Variants in CNTNAP5 observed in about 807,000 individuals in gnomAD.
The protein encoded by CNTNAP5 is contactin-associated protein-like 5.
Under a neutral mutation model 150.2 loss-of-function variants are expected in CNTNAP5, and 72 were observed. The observed-to-expected ratio is 0.48, with a 90% CI of 0.40 to 0.58. The LOEUF is 0.58. Ranked by LOEUF, CNTNAP5 falls within the 20% of genes least tolerant of loss-of-function variation. The pLI, the probability that CNTNAP5 is intolerant of heterozygous loss-of-function variation, is 0.00. For synonymous variants in CNTNAP5, 672 were observed against 619.8 expected (o/e 1.08, Z -1.25); for missense variants, 1,636 against 1,626.2 (o/e 1.01, Z -0.10).
At chr2:124,587,361 A>G (rs531491614) in intron 11 of CNTNAP5, among the ~76,000 whole-genome samples, 1 of 152,324 alleles carries the variant, frequency 6.6e-6, no homozygotes, top group African/African-American at 2.4e-5. Context: ...ATCTTACCAT[A>G]GTATTGAATC....
At chr2:124,665,989 G>A (rs1007890282) in intron 13 of CNTNAP5, among the ~76,000 whole-genome samples, 9 of 152,014 alleles carry the variant, frequency 5.9e-5, no homozygotes, top group Non-Finnish European at 1.3e-4. Flanking sequence ...GTGTTTTTGT[G>A]TACATGTATT....
chr2:124,174,933 C>T (rs1446849916), intron 1 of CNTNAP5, among the ~76,000 whole-genome samples: 1 of 152,182 alleles, frequency 6.6e-6, no homozygotes, highest in African/African-American at 2.4e-5. Flanking sequence ...AACACTGAGG[C>T]AAGACCCTCC....
chr2:124,278,025 G>A (rs1396677784), intron 3 of CNTNAP5, among the ~76,000 whole-genome samples: 1 of 152,106 alleles, frequency 6.6e-6, no homozygotes, highest in Non-Finnish European at 1.5e-5. Context: ...CCTCCAGTGG[G>A]TATCTGCAAC....
At chr2:124,390,164 A>G (rs1691073550) in intron 3 of CNTNAP5, among the ~76,000 whole-genome samples, 1 of 152,062 alleles carries the variant, frequency 6.6e-6, no homozygotes, top group Non-Finnish European at 1.5e-5. Context: ...AAAGGGCTAG[A>G]CCCTCTCCCT....
intron 1 of CNTNAP5, among the ~76,000 whole-genome samples, chr2:124,086,767 A>G (rs1682702761): frequency 6.6e-6 from 1 of 151,452 alleles, no homozygotes; most frequent in South Asian, 2.1e-4. Context: ...CTATCTGATA[A>G]TCCCTGTCTT....
rs892987989 is a variant in CNTNAP5 at position 124,894,782 on chromosome 2, G to A, written c.3437-8100G>A. On this transcript the variant is annotated intron_variant, in intron 21 of 23. Transcript: ENST00000682447. Reference sequence around the variant, plus strand: ...TGCCAGGGCTGGTTTTGAACTCCTGGGATCAAGCAATCCTCCTGCCTTGGC... The same window carrying A: ...TGCCAGGGCTGGTTTTGAACTCCTGAGATCAAGCAATCCTCCTGCCTTGGC... Among the ~76,000 whole-genome samples the A allele has an allele frequency of 2.0e-5, 3 of 151,106 alleles. 1 individual carries two copies. The highest frequency in any genetic ancestry group is 7.4e-5 in the African/African-American group (3 of 40,590).
intron 3 of CNTNAP5, among the ~76,000 whole-genome samples, chr2:124,257,169 C>T (rs1687334507): frequency 1.3e-5 from 2 of 152,250 alleles, no homozygotes; most frequent in African/African-American, 4.8e-5. Flanking sequence ...GGACTTCTGG[C>T]CTCCAGAAAT....
rs146481002 is a variant in CNTNAP5 at position 124,678,474 on chromosome 2, G to A, written c.2077+30516G>A. 8.6e-5 allele frequency among the ~76,000 whole-genome samples: 13 copies of A among 151,738 alleles called. 1 individual carries two copies. In the East Asian group the frequency reaches 9.7e-4, roughly 11 times the overall value. On this transcript the variant is annotated intron_variant, in intron 13 of 23. Coordinates refer to ENST00000682447, the MANE Select transcript of CNTNAP5 (RefSeq NM_001367498.1). ...CAAGATTTTCCAGAGCTTCCTCACC[G>A]AGAGCATTCCTTTTCTGCTCTTGTC...
intron 1 of CNTNAP5, among the ~76,000 whole-genome samples, chr2:124,028,741 C>T (rs146900644): frequency 2.0e-4 from 31 of 152,182 alleles, no homozygotes; most frequent in Admixed American, 3.3e-4. Flanking sequence ...GTTAGAAGAG[C>T]TGAGGAGTTC....
chr2:124,181,298 G>GT (rs1558790078), intron 1 of CNTNAP5, among the ~76,000 whole-genome samples: 1 of 152,012 alleles, frequency 6.6e-6, no homozygotes, highest in Non-Finnish European at 1.5e-5. Context: ...TTTTGTGTTC[G>GT]TAAGAGTGAT....
chr2:124,270,701 A>ATG (rs149484374), intron 3 of CNTNAP5, among the ~76,000 whole-genome samples: 13,642 of 151,698 alleles, frequency 0.09, 766 homozygotes, highest in Non-Finnish European at 0.13. Context: ...GCTTGCGTGC[A>ATG]TGTGTGTGTG....
chr2:124,521,024 A>G (rs1193095394), intron 8 of CNTNAP5, among the ~76,000 whole-genome samples: 3 of 152,190 alleles, frequency 2.0e-5, no homozygotes, highest in Non-Finnish European at 4.4e-5. Flanking sequence ...GGGATGTACC[A>G]CTTCACTTGC....
intron 22 of CNTNAP5, among the ~76,000 whole-genome samples, chr2:124,906,000 C>T (rs565415452): frequency 6.6e-6 from 1 of 152,200 alleles, no homozygotes; most frequent in South Asian, 2.1e-4. Flanking sequence ...TGCATGCTTG[C>T]AGGCCTATTG....
intron 4 of CNTNAP5, among the ~76,000 whole-genome samples, chr2:124,420,777 G>A (rs185777441): frequency 4.6e-5 from 7 of 152,166 alleles, no homozygotes; most frequent in East Asian, 1.9e-4. Context: ...TTGATGGCCC[G>A]CCCTATGTAC....
intron 13 of CNTNAP5, among the ~76,000 whole-genome samples, chr2:124,696,110 T>C (rs2105084507): frequency 6.6e-6 from 1 of 152,238 alleles, no homozygotes; most frequent in South Asian, 2.1e-4. Flanking sequence ...ACCTCGGATG[T>C]TGGTAAAGGT....
chr2:124,550,156 C>A (rs887104225), intron 10 of CNTNAP5, among the ~76,000 whole-genome samples: 1 of 152,134 alleles, frequency 6.6e-6, no homozygotes, highest in Non-Finnish European at 1.5e-5. Context: ...CATTTGAAAA[C>A]GATACCATTT....
chr2:124,155,087 T>G (rs1416293032), intron 1 of CNTNAP5, among the ~76,000 whole-genome samples: 16 of 151,162 alleles, frequency 1.1e-4, no homozygotes, highest in Admixed American at 2.0e-4. Flanking sequence ...TTTTTTTTTT[T>G]TTTTTTTTTT....
At chr2:124,375,588 G>A (rs979210243) in intron 3 of CNTNAP5, among the ~76,000 whole-genome samples, 1 of 152,058 alleles carries the variant, frequency 6.6e-6, no homozygotes, top group African/African-American at 2.4e-5. Flanking sequence ...ATTGAAAAGG[G>A]ACAGCAATGG....
At chr2:124,217,992 A>G (rs1398687940) in intron 1 of CNTNAP5, among the ~76,000 whole-genome samples, 4 of 152,174 alleles carry the variant, frequency 2.6e-5, no homozygotes, top group Non-Finnish European at 5.9e-5. Context: ...CTAACCCTCA[A>G]TATGCTTTCC....
Sources: allele counts gnomAD v4.1 joint callset (sites outside exome capture counted in the v4.1 genomes callset), GRCh38; gene constraint gnomAD v4.1.1; transcripts MANE v1.5; gene names NCBI Gene and HGNC (gene_info 2026-07-23, HGNC 2026-07-21).